NRG3: variants seen among roughly 807,000 people sequenced by gnomAD.
NRG3 encodes the protein neuregulin 3.
Under a neutral mutation model 66.9 loss-of-function variants are expected in NRG3, and 31 were observed. The ratio of observed to expected loss-of-function variants is 0.46; its 90% CI spans 0.35 to 0.63. The LOEUF (loss-of-function observed/expected upper bound fraction) is 0.63. Ranked by LOEUF, NRG3 falls within the 20% of genes least tolerant of loss-of-function variation. The pLI is 0.00. For missense variants in NRG3, 910 were observed against 878.9 expected (o/e 1.04, Z -0.45); for synonymous variants, 393 against 359.4 (o/e 1.09, Z -1.06).
chr10:82,407,257 A>G (rs962944327), intron 2 of NRG3, among the ~76,000 whole-genome samples: 3 of 152,108 alleles, frequency 2.0e-5, no homozygotes, highest in Non-Finnish European at 4.4e-5. Flanking sequence ...ATGAACTGTT[A>G]CCATATAATG....
At chr10:81,953,873 A>G (rs748469315) in intron 1 of NRG3, among the ~76,000 whole-genome samples, 14 of 152,184 alleles carry the variant, frequency 9.2e-5, no homozygotes, top group Non-Finnish European at 1.9e-4. Context: ...ACTCATTAAC[A>G]TCTCAACATT....
rs1350918952 is a variant in NRG3, at chr10:82,902,188, T to C, written c.1054+36751T>C. ...TGGGTTTATTCACAGTTTGTAAATA[T>C]TGGGTTTATTCAAAGTTTGTGAACT... On this transcript the variant is annotated intron_variant, in intron 4 of 8. Coordinates refer to ENST00000372141, the MANE Select transcript of NRG3 (RefSeq NM_001010848.4). Among the ~76,000 whole-genome samples the C allele has an allele frequency of 2.0e-5, 3 of 152,112 alleles. No individual in the cohort carries two copies. The East Asian group carries it at 5.8e-4, about 29-fold the overall frequency.
chr10:82,853,371 A>G (rs1337083742), intron 3 of NRG3, among the ~76,000 whole-genome samples: 1 of 152,140 alleles, frequency 6.6e-6, no homozygotes, highest in African/African-American at 2.4e-5. Context: ...GAATTTGTAG[A>G]TTGCTTTTGG....
At chr10:82,960,262 T>C (rs554628033) in intron 6 of NRG3, among the ~76,000 whole-genome samples, 52 of 152,318 alleles carry the variant, frequency 3.4e-4, no homozygotes, top group Non-Finnish European at 6.2e-4. Flanking sequence ...ACAGAGTGAA[T>C]GGTTTTGCTA....
rs558879745 is a variant in NRG3 at position 82,448,316 on chromosome 10, CA to C, written c.953+89450del. Among the ~76,000 whole-genome samples the C allele has an allele frequency of 3.9e-5, 6 of 152,266 alleles. No individual in the cohort carries two copies. In the South Asian group the frequency reaches 1.2e-3, roughly 32 times the overall value. On this transcript the variant is annotated intron_variant, in intron 2 of 8. Transcript: ENST00000372141. The stretch of plus-strand genomic sequence containing the variant: ...AGCATCTAGAAAAATTGGGATTTAA[CA>C]AGGAAGAAAACACTAGGGAAAAGAA...
At chr10:82,781,978 T>C (rs758717659) in intron 3 of NRG3, among the ~76,000 whole-genome samples, 28 of 152,168 alleles carry the variant, frequency 1.8e-4, no homozygotes, top group Admixed American at 6.6e-4. Context: ...ACTCGTCCAG[T>C]GTATCTTTTT....
chr10:82,917,970 G>A (rs7908968), intron 4 of NRG3, among the ~76,000 whole-genome samples: 12,787 of 109,316 alleles, frequency 0.12, 1,352 homozygotes, highest in African/African-American at 0.29. Flanking sequence ...GTGTGTGTGT[G>A]TATATATATA....
chr10:82,178,707 C>G (rs1247279299), intron 1 of NRG3, among the ~76,000 whole-genome samples: 5 of 151,982 alleles, frequency 3.3e-5, no homozygotes, highest in Non-Finnish European at 5.9e-5. Context: ...CTTTGAGATC[C>G]TAATTTCAGT....
intron 2 of NRG3, among the ~76,000 whole-genome samples, chr10:82,712,868 C>G (rs1242005311): frequency 2.6e-5 from 4 of 151,914 alleles, no homozygotes; most frequent in African/African-American, 9.7e-5. Flanking sequence ...AAGAGTAATC[C>G]CAGCATTTTG....
chr10:82,822,701 A>G (rs1441935912), intron 3 of NRG3, among the ~76,000 whole-genome samples: 3 of 152,050 alleles, frequency 2.0e-5, no homozygotes, highest in Non-Finnish European at 4.4e-5. Context: ...TGCAGAAAAT[A>G]TGTCCAATAT....
intron 3 of NRG3, among the ~76,000 whole-genome samples, chr10:82,857,187 G>A (rs926902335): frequency 2.0e-4 from 30 of 152,188 alleles, no homozygotes; most frequent in Non-Finnish European, 4.1e-4. Context: ...TGCTCATCTT[G>A]AGTTTGCTGT....
chr10:82,255,793 G>A (rs2077698797), intron 1 of NRG3, among the ~76,000 whole-genome samples: 1 of 151,828 alleles, frequency 6.6e-6, no homozygotes, highest in South Asian at 2.1e-4. Flanking sequence ...TAGTAGAGAT[G>A]GGGTTTTACC....
chr10:81,919,292 G>C (rs1846023142), intron 1 of NRG3, among the ~76,000 whole-genome samples: 1 of 152,182 alleles, frequency 6.6e-6, no homozygotes, highest in African/African-American at 2.4e-5. Context: ...AAGTGTGGCA[G>C]CGCTGAAAAT....
At chr10:82,819,198 A>G (rs752885604) in intron 3 of NRG3, among the ~76,000 whole-genome samples, 6 of 152,234 alleles carry the variant, frequency 3.9e-5, no homozygotes, top group East Asian at 1.9e-4. Flanking sequence ...TAGGTTAGCT[A>G]TTGTTCTCTC....
chr10:82,427,643 G>C (rs2089532281), intron 2 of NRG3, among the ~76,000 whole-genome samples: 1 of 152,054 alleles, frequency 6.6e-6, no homozygotes, highest in Non-Finnish European at 1.5e-5. Context: ...TTGGTTCGTA[G>C]CTTTGTGTTC....
At chr10:82,903,156 A>C (rs972308568) in intron 4 of NRG3, among the ~76,000 whole-genome samples, 6 of 152,190 alleles carry the variant, frequency 3.9e-5, no homozygotes, top group Non-Finnish European at 7.3e-5. Context: ...GTAAAGATGT[A>C]GTATTATGTC....
intron 2 of NRG3, among the ~76,000 whole-genome samples, chr10:82,580,511 C>T (rs2046297819): frequency 6.6e-6 from 1 of 151,570 alleles, no homozygotes; most frequent in African/African-American, 2.4e-5. Context: ...ACACAGAATA[C>T]TCACATTTCC....
chr10:82,561,164 G>A (rs2045016114), intron 2 of NRG3, among the ~76,000 whole-genome samples: 1 of 152,130 alleles, frequency 6.6e-6, no homozygotes, highest in South Asian at 2.1e-4. Context: ...TAAAAAGAAA[G>A]CTAGACTTAG....
chr10:82,172,415 T>C (rs1021057688), intron 1 of NRG3, among the ~76,000 whole-genome samples: 1 of 152,140 alleles, frequency 6.6e-6, no homozygotes, highest in African/African-American at 2.4e-5. Flanking sequence ...ATTTTTAATG[T>C]GGACAATGAA....
Sources: gnomAD v4.1 joint callset for allele counts (sites outside exome capture counted in the v4.1 genomes callset) on GRCh38, gnomAD v4.1.1 for gene constraint, MANE v1.5 for transcripts, NCBI Gene and HGNC (gene_info 2026-07-23, HGNC 2026-07-21) for gene names.